ELP4: variants seen among roughly 807,000 people sequenced by gnomAD.
The protein encoded by ELP4 is elongator acetyltransferase complex subunit 4.
ELP4 carries 51 observed loss-of-function variants against 48.9 expected under a neutral mutation model. The ratio of observed to expected loss-of-function variants is 1.04; its 90% CI spans 0.83 to 1.32. The LOEUF is 1.32. Among genes scored for constraint, ELP4 ranks in the 40% most tolerant of loss-of-function variants. The probability of loss-of-function intolerance (pLI) is 0.00; values close to 1 mark genes in which losing one functional copy is unlikely to be tolerated. For synonymous variants in ELP4, 210 were observed against 189.2 expected (o/e 1.11, Z -0.90); for missense variants, 519 against 514.6 (o/e 1.01, Z -0.08).
intron 9 of ELP4, among the ~76,000 whole-genome samples, chr11:31,698,224 G>A (rs1392186951): frequency 2.0e-5 from 3 of 152,038 alleles, no homozygotes; most frequent in East Asian, 1.9e-4. Context: ...ATAAATTTTA[G>A]TCATATAAGC....
intron 1 of ELP4, among the ~76,000 whole-genome samples, chr11:31,518,000 T>A (rs1202112836): frequency 1.3e-5 from 2 of 152,224 alleles, no homozygotes; most frequent in Non-Finnish European, 2.9e-5. Context: ...AGTGAATTTG[T>A]GTTTGAGACA....
At chr11:31,707,816 T>C (rs1160842003) in intron 9 of ELP4, among the ~76,000 whole-genome samples, 1 of 152,188 alleles carries the variant, frequency 6.6e-6, no homozygotes, top group African/African-American at 2.4e-5. Context: ...GGCTATGGCC[T>C]CATCACTCTA....
chr11:31,511,393 A>G (rs981232619), intron 1 of ELP4: 1 of 152,180 alleles, frequency 6.6e-6, no homozygotes, highest in Non-Finnish European at 1.5e-5. Context: ...CAAAAAGGTT[A>G]TGTTTCTATT....
chr11:31,539,235 C>A (rs546259718), intron 2 of ELP4, among the ~76,000 whole-genome samples: 1 of 152,116 alleles, frequency 6.6e-6, no homozygotes, highest in Non-Finnish European at 1.5e-5. Flanking sequence ...GAGGCCAAGG[C>A]GGGCAGATCA....
intron 2 of ELP4, among the ~76,000 whole-genome samples, chr11:31,536,822 G>T (rs894064992): frequency 2.0e-5 from 3 of 151,898 alleles, no homozygotes; most frequent in African/African-American, 7.3e-5. Flanking sequence ...TCATTTTTAT[G>T]TTGCCCAGTT....
chr11:31,708,833 A>T (rs1466280942), intron 9 of ELP4, among the ~76,000 whole-genome samples: 2 of 152,158 alleles, frequency 1.3e-5, no homozygotes, highest in East Asian at 3.8e-4. Flanking sequence ...TGTTGCCTAA[A>T]GTTTCCACTG....
chr11:31,589,728 G>A (rs1484606658), intron 3 of ELP4, among the ~76,000 whole-genome samples: 1 of 152,048 alleles, frequency 6.6e-6, no homozygotes, highest in Non-Finnish European at 1.5e-5. Context: ...ATATAGAATT[G>A]TCTCCATCAG....
At chr11:31,652,424 C>T (rs1484917006) in intron 9 of ELP4, 1 of 151,520 alleles carries the variant, frequency 6.6e-6, no homozygotes, top group Admixed American at 6.6e-5. Context: ...ATTGTACATT[C>T]TAAAATGCAT....
intron 4 of ELP4, among the ~76,000 whole-genome samples, chr11:31,596,807 A>G (rs540317724): frequency 2.6e-5 from 4 of 152,344 alleles, no homozygotes; most frequent in Non-Finnish European, 5.9e-5. Context: ...CAAATAACTT[A>G]AAATGAAAAA....
intron 3 of ELP4, among the ~76,000 whole-genome samples, chr11:31,572,226 A>G (rs909405855): frequency 2.6e-5 from 4 of 152,202 alleles, no homozygotes; most frequent in African/African-American, 9.6e-5. Flanking sequence ...TTCACTTTGC[A>G]CTGTTATGGA....
At chr11:31,626,148 T>C (rs1025206659) in intron 5 of ELP4, among the ~76,000 whole-genome samples, 1 of 151,926 alleles carries the variant, frequency 6.6e-6, no homozygotes, top group Non-Finnish European at 1.5e-5. Context: ...CACTAAGCAG[T>C]CTGCTATGTT....
chr11:31,761,811 A>G (rs1383910472), intron 9 of ELP4: 7 of 152,250 alleles, frequency 4.6e-5, no homozygotes, highest in African/African-American at 1.7e-4. Flanking sequence ...GCTGTGGGGA[A>G]GGATGATGAC....
At chr11:31,731,950 C>T (rs1267581725) in intron 9 of ELP4, among the ~76,000 whole-genome samples, 2 of 151,904 alleles carry the variant, frequency 1.3e-5, no homozygotes, top group African/African-American at 4.8e-5. Flanking sequence ...AGAATAGTAT[C>T]TCTGGCAAAA....
chr11:31,626,944 G>C (rs1415376163), intron 5 of ELP4, among the ~76,000 whole-genome samples, 166 bp from the exon 6 acceptor site: 2 of 151,722 alleles, frequency 1.3e-5, no homozygotes, highest in South Asian at 2.1e-4. Flanking sequence ...CTTATTCCCT[G>C]TATGTATTGA....
intron 9 of ELP4, among the ~76,000 whole-genome samples, chr11:31,752,466 C>T (rs1947742434): frequency 6.6e-6 from 1 of 152,118 alleles, no homozygotes; most frequent in African/African-American, 2.4e-5. Context: ...TCCACTCTCT[C>T]AGGGTCTATT....
At chr11:31,642,770 A>C (rs1945126481) in intron 7 of ELP4, among the ~76,000 whole-genome samples, 1 of 151,882 alleles carries the variant, frequency 6.6e-6, no homozygotes, top group Non-Finnish European at 1.5e-5. Flanking sequence ...TTTTCCCACT[A>C]TCAAATATTT....
At chr11:31,751,399 T>C (rs1338253124) in intron 9 of ELP4, among the ~76,000 whole-genome samples, 1 of 152,090 alleles carries the variant, frequency 6.6e-6, no homozygotes, top group East Asian at 1.9e-4. Flanking sequence ...CTCTACTTTC[T>C]GAAAAATGTG....
chr11:31,734,953 G>A (rs1388243963), intron 9 of ELP4, among the ~76,000 whole-genome samples: 1 of 152,042 alleles, frequency 6.6e-6, no homozygotes, highest in Non-Finnish European at 1.5e-5. Flanking sequence ...TCCTGATTTT[G>A]AAACATATTA....
chr11:31,629,357 A>G (rs1305873799), intron 6 of ELP4, among the ~76,000 whole-genome samples: 5 of 152,038 alleles, frequency 3.3e-5, no homozygotes, highest in African/African-American at 4.8e-5. Context: ...CAAAGGAATT[A>G]TATATCCTAA....
Sources: gnomAD v4.1 joint callset for allele counts (sites outside exome capture counted in the v4.1 genomes callset) on GRCh38, gnomAD v4.1.1 for gene constraint, MANE v1.5 for transcripts, NCBI Gene and HGNC (gene_info 2026-07-23, HGNC 2026-07-21) for gene names.